BPHL: variants seen among roughly 807,000 people sequenced by gnomAD.
The protein encoded by BPHL is serine hydrolase BPHL.
In BPHL, 27 loss-of-function variants were observed where a neutral mutation model predicts 31.2. The observed-to-expected ratio is 0.87, with a 90% CI of 0.64 to 1.19. The LOEUF is 1.19. Ranked by LOEUF, BPHL falls within the 50% of genes most tolerant of loss-of-function variation. The pLI is 0.00. For synonymous variants in BPHL, 150 were observed against 146.8 expected, an observed-to-expected ratio of 1.02 and a Z score of -0.16; for missense variants, 356 against 375.7, an observed-to-expected ratio of 0.95 and a Z score of 0.43.
chr6:3,118,686 T>C (rs1034808077), upstream of BPHL: 6 of 1,196,558 alleles, frequency 5.0e-6, no homozygotes, highest in African/African-American at 6.3e-5. Flanking sequence ...GTGGGCCGGG[T>C]ACCGCGCTTG....
chr6:3,138,796 G>A (rs1762084258), intron 5 of BPHL: 1 of 152,202 alleles, frequency 6.6e-6, no homozygotes, highest in African/African-American at 2.4e-5. Flanking sequence ...TGGATGTTTT[G>A]TTGAAGAGAG....
chr6:3,120,651 G>A (rs773413496), intron 1 of BPHL, among the ~76,000 whole-genome samples: 53 of 152,300 alleles, frequency 3.5e-4, no homozygotes, highest in Non-Finnish European at 3.5e-4. Context: ...TAAGTCTGCT[G>A]TTTGGAACTT....
At chr6:3,127,825 CTT>C (rs4053354) in intron 3 of BPHL, among the ~76,000 whole-genome samples, 4 of 144,974 alleles carry the variant, frequency 2.8e-5, no homozygotes, top group Non-Finnish European at 3.0e-5. Context: ...CACCAATTTT[CTT>C]TTTTTTTTTT....
At chr6:3,125,356 T>C (rs1226492010) in intron 2 of BPHL, among the ~76,000 whole-genome samples, 3 of 152,030 alleles carry the variant, frequency 2.0e-5, no homozygotes, top group African/African-American at 4.8e-5. Context: ...CAATTTAATT[T>C]TTTTTTATGT....
intron 2 of BPHL, chr6:3,126,909 A>C: frequency 6.2e-6 from 1 of 160,672 alleles, no homozygotes; most frequent in Non-Finnish European, 1.3e-5. Flanking sequence ...GCACACCGCC[A>C]TGCCCGGCTA....
At chr6:3,146,414 T>TC (rs1220118802) in intron 6 of BPHL, among the ~76,000 whole-genome samples, 6 of 127,926 alleles carry the variant, frequency 4.7e-5, no homozygotes, top group Admixed American at 2.3e-4. Flanking sequence ...CTGGTTTGGG[T>TC]TGAGTGCTGG....
chr6:3,119,672 G>A (rs563892892), intron 1 of BPHL, among the ~76,000 whole-genome samples: 57 of 152,254 alleles, frequency 3.7e-4, no homozygotes, highest in African/African-American at 1.2e-3. Context: ...GCAAACACAC[G>A]TATACAACGA....
intron 6 of BPHL, among the ~76,000 whole-genome samples, chr6:3,147,093 C>T (rs983715439): frequency 1.3e-5 from 2 of 152,222 alleles, no homozygotes; most frequent in South Asian, 2.1e-4. Context: ...GAAACCTCGT[C>T]TCTACAAAAA....
intron 2 of BPHL, among the ~76,000 whole-genome samples, chr6:3,124,978 A>G (rs1340681848): frequency 4.6e-5 from 7 of 151,924 alleles, no homozygotes; most frequent in African/African-American, 1.7e-4. Context: ...CTGTAAAAAC[A>G]TTGCCTATCT....
chr6:3,120,886 C>CAA (rs200235165), intron 1 of BPHL, among the ~76,000 whole-genome samples: 1 of 152,216 alleles, frequency 6.6e-6, no homozygotes, highest in African/African-American at 2.4e-5. Context: ...ATCTGGCAGT[C>CAA]AGAGTGTGGC....
At chr6:3,150,581 G>A (rs962895373) in intron 6 of BPHL, among the ~76,000 whole-genome samples, 1 of 152,180 alleles carries the variant, frequency 6.6e-6, no homozygotes, top group African/African-American at 2.4e-5. Flanking sequence ...TTAGCAGTTG[G>A]GGGTTTCCTA....
chr6:3,122,843 C>A (rs77527744), intron 1 of BPHL, among the ~76,000 whole-genome samples: 6,580 of 152,272 alleles, frequency 0.043, 451 homozygotes, highest in African/African-American at 0.14. Context: ...ACACAGGATA[C>A]CCTACAGCTA....
rs1762037366 is a variant in BPHL at position 3,137,263 on chromosome 6, T to G, written c.533-99T>G. ...GAGGCATTCCAGGCAGACGAGACAG[T>G]GAGCGCATGGGCTCAGAAGTGGCTC... is the stretch of plus-strand genomic sequence containing the variant. On this transcript the variant is annotated intron_variant, in intron 4 of 6. Coordinates refer to ENST00000380379, the MANE Select transcript of BPHL (RefSeq NM_004332.4). The G allele has an allele frequency of 2.6e-5, 37 of 1,437,640 alleles. No homozygotes were observed. In the South Asian group the frequency reaches 4.8e-4, roughly 19 times the overall value. 89.1% of individuals were successfully genotyped at this position (1,437,640 alleles called of 1,614,324 possible).
At chr6:3,148,688 CAGCTCCA>C (rs1561802498) in intron 6 of BPHL, among the ~76,000 whole-genome samples, 1 of 152,242 alleles carries the variant, frequency 6.6e-6, no homozygotes, top group African/African-American at 2.4e-5. Context: ...GGAAAACCAT[CAGCTCCA>C]CACGCTGCTT....
intron 5 of BPHL, chr6:3,139,675 A>G (rs2113766102): frequency 6.6e-6 from 1 of 152,422 alleles, no homozygotes; most frequent in African/African-American, 2.4e-5. Flanking sequence ...GGAACCGCAG[A>G]CGCAACTCTC....
chr6:3,119,863 A>G (rs1166517978), intron 1 of BPHL, among the ~76,000 whole-genome samples: 1 of 152,224 alleles, frequency 6.6e-6, no homozygotes, highest in Non-Finnish European at 1.5e-5. Context: ...TCATATTGCA[A>G]TTGACTAGCT....
rs1762477474 is a variant in BPHL, at chr6:3,149,982, A to AT, written c.789-2506_789-2505insT. 1 of 152,208 alleles carries AT rather than the reference A, an allele frequency of 6.6e-6. No homozygotes were observed. Among genetic ancestry groups the AT allele is most frequent in the African/African-American group, 2.4e-5 (1 of 41,446 alleles). The allele number at this position is 152,208 out of a possible 1,614,324, so 9.4% of individuals were successfully genotyped here. Reference sequence around the variant, plus strand: ...TAGAAGAAGCAGAATGAAAAAGGAAAATATTTAGTTTCTGAATAAAAAGGG... The same window carrying AT: ...TAGAAGAAGCAGAATGAAAAAGGAAATATATTTAGTTTCTGAATAAAAAGGG... On this transcript the variant is annotated intron_variant, in intron 6 of 6. Coordinates refer to ENST00000380379, the MANE Select transcript of BPHL (RefSeq NM_004332.4). This position sits in a 1 kb window ranked among gnomAD's most constrained non-coding sequence, Gnocchi z 4.6.
At position 3,118,754 on chromosome 6, in the gene BPHL, T is replaced by C; in HGVS notation, c.14T>C (p.Leu5Pro). MVAV[L>P]GGRGVLRLRL... The stretch of plus-strand genomic sequence containing the variant: ...CGACCTGTGACCATGGTGGCTGTGC[T>C]GGGCGGCCGGGGCGTGTTGCGCCTG... The change falls in exon 1 of 7, where the codon CTG becomes CCG. Residue 5 changes from leucine (L) to proline (P), a missense_variant. By Grantham distance (98) the Leu-to-Pro change is moderately conservative. Coordinates refer to ENST00000380379, the MANE Select transcript of BPHL (RefSeq NM_004332.4). 1 of 1,261,074 alleles carries C rather than the reference T, an allele frequency of 7.9e-7. No individual in the cohort carries two copies. Among genetic ancestry groups the C allele is most frequent in the South Asian group, 3.5e-5 (1 of 28,600 alleles). The allele number at this position is 1,261,074 out of a possible 1,614,324, so 78.1% of individuals were successfully genotyped here. A position where few individuals can be genotyped will look rare whatever the true frequency, so the allele number is the denominator to read the frequency against.
rs1384064053 is a variant in BPHL at position 3,149,686 on chromosome 6, G to A, written c.789-2802G>A. 6.6e-6 allele frequency among the ~76,000 whole-genome samples: 1 copy of A among 152,196 alleles called. No homozygotes were observed. Among genetic ancestry groups the A allele is most frequent in the African/African-American group, 2.4e-5 (1 of 41,446 alleles). On this transcript the variant is annotated intron_variant, in intron 6 of 6. Coordinates refer to ENST00000380379, the MANE Select transcript of BPHL (RefSeq NM_004332.4). This position sits in a 1 kb window ranked among gnomAD's most constrained non-coding sequence, Gnocchi z 4.6. ...CTTGCTCTATTGCCCGGGCTGGAGTGCAGTGGCGGGATCTCGGCTCACTGC... is the reference window on the plus strand; with the variant it reads ...CTTGCTCTATTGCCCGGGCTGGAGTACAGTGGCGGGATCTCGGCTCACTGC...
Sources: gnomAD v4.1 joint callset for allele counts (sites outside exome capture counted in the v4.1 genomes callset) on GRCh38, gnomAD v4.1.1 for gene constraint, Gnocchi (gnomAD v3.1) non-coding constraint, MANE v1.5 for transcripts, NCBI Gene and HGNC (gene_info 2026-07-23, HGNC 2026-07-21) for gene names.